Variants in ANKRD55 observed in about 807,000 individuals in gnomAD.
ANKRD55 encodes the protein ankyrin repeat domain-containing protein 55.
Under a neutral mutation model 60.6 loss-of-function variants are expected in ANKRD55, and 41 were observed. That is an observed-to-expected ratio of 0.68 (90% CI 0.53 to 0.88). The LOEUF (loss-of-function observed/expected upper bound fraction) is 0.88. ANKRD55 is among the 40% of genes least tolerant of loss of function. The pLI is 0.00. For synonymous variants in ANKRD55, 264 were observed against 290.3 expected, an observed-to-expected ratio of 0.91 and a Z score of 0.92; for missense variants, 732 against 767.6, an observed-to-expected ratio of 0.95 and a Z score of 0.55.
chr5:56,119,332 C>T (rs2111698230), intron 8 of ANKRD55, among the ~76,000 whole-genome samples: 1 of 152,282 alleles, frequency 6.6e-6, no homozygotes, highest in Admixed American at 6.5e-5. Flanking sequence ...AAATCAGTCT[C>T]AAAGGATGAC....
At chr5:56,125,166 C>T (rs1757205014) in intron 8 of ANKRD55, among the ~76,000 whole-genome samples, 1 of 152,012 alleles carries the variant, frequency 6.6e-6, no homozygotes, top group Admixed American at 6.6e-5. Context: ...GAAATTTGTT[C>T]TTTTTTTAAA....
At chr5:56,112,509 A>ACAAAAAAAAAAAAC (rs1163075862) in intron 9 of ANKRD55, among the ~76,000 whole-genome samples, 6 of 146,414 alleles carry the variant, frequency 4.1e-5, no homozygotes, top group African/African-American at 1.5e-4. Context: ...TCTAGCAAAA[A>ACAAAAAAAAAAAAC]AAAAAAAAAA....
At chr5:56,135,337 T>TTCTC (rs1341450745) in intron 7 of ANKRD55, among the ~76,000 whole-genome samples, 1 of 19,464 alleles carries the variant, frequency 5.1e-5, no homozygotes, top group Non-Finnish European at 1.0e-4. Flanking sequence ...CTTTCTTTCT[T>TTCTC]TCTTTCTTTC....
chr5:56,207,115 C>G (rs914172541), intron 2 of ANKRD55, among the ~76,000 whole-genome samples: 4 of 152,210 alleles, frequency 2.6e-5, no homozygotes, highest in African/African-American at 7.2e-5. Context: ...CCCCTTCCCC[C>G]CTTGGAAGTT....
intron 3 of ANKRD55, among the ~76,000 whole-genome samples, chr5:56,179,677 A>G (rs533935416): frequency 6.6e-6 from 1 of 152,308 alleles, no homozygotes; most frequent in South Asian, 2.1e-4. Context: ...CAAGATAAGG[A>G]GCAGAAACAG....
At chr5:56,205,234 T>C (rs1759472821) in intron 2 of ANKRD55, among the ~76,000 whole-genome samples, 1 of 152,118 alleles carries the variant, frequency 6.6e-6, no homozygotes, top group Admixed American at 6.5e-5. Flanking sequence ...CTAATTTTTG[T>C]ATTTTTAGTA....
rs539458495 is a variant in ANKRD55 at position 56,151,511 on chromosome 5, C to A, written c.484-7582G>T. On this transcript the variant is annotated intron_variant, in intron 6 of 11. Coordinates refer to ENST00000341048, the MANE Select transcript of ANKRD55 (RefSeq NM_024669.3). Reference sequence around the variant, plus strand: ...TTCTTTCTCCCTAGATATAACATATCTAGATATAATATATATCTAGGCTGG... The same window carrying A: ...TTCTTTCTCCCTAGATATAACATATATAGATATAATATATATCTAGGCTGG... Among the ~76,000 whole-genome samples, 221 of 152,136 alleles carry A rather than the reference C, an allele frequency of 1.5e-3. 1 individual carries two copies. Among genetic ancestry groups the A allele is most frequent in the African/African-American group, 5.1e-3 (210 of 41,504 alleles).
chr5:56,199,249 A>T (rs1759304687), intron 2 of ANKRD55, among the ~76,000 whole-genome samples: 1 of 152,112 alleles, frequency 6.6e-6, no homozygotes, highest in Non-Finnish European at 1.5e-5. Flanking sequence ...CAATTCCCTT[A>T]CCTCTCTAGT....
Position 56,193,146 on chromosome 5 carries a change from C to T in ANKRD55, c.59-9512G>A, listed in dbSNP as rs531533220. 2.6e-5 allele frequency: 18 copies of T among 681,158 alleles called. No individual in the cohort carries two copies. The East Asian group carries it at 6.1e-4, about 23-fold the overall frequency. The allele number at this position is 681,158 out of a possible 1,614,324, so 42.2% of individuals were successfully genotyped here. ...ATTTATTTTAGGAGAAGATTTAAGCCCTTTGTAAAACAGGGCTGTATGAGT... is the reference window on the plus strand; with the variant it reads ...ATTTATTTTAGGAGAAGATTTAAGCTCTTTGTAAAACAGGGCTGTATGAGT... On this transcript the variant is annotated intron_variant, in intron 2 of 11. Transcript: ENST00000341048.
Position 56,100,239 on chromosome 5 carries a change from T to G in ANKRD55, c.1789A>C (p.Ser597Arg), listed in dbSNP as rs1480260877. The part of the protein sequence containing the change: ...LPAIPSQRRH[S>R]TAAEESEHSA... The stretch of plus-strand genomic sequence containing the variant: ...TGTTCACTCTCTTCTGCTGCTGTGC[T>G]GTGTCTTCGTTGACTTGGAATTGCA... The change falls in exon 12 of 12, where the codon AGC becomes CGC. Residue 597 changes from serine (S) to arginine (R), a missense_variant. By Grantham distance (110) the Ser-to-Arg change is moderately radical. Coordinates refer to ENST00000341048, the MANE Select transcript of ANKRD55 (RefSeq NM_024669.3). 2.5e-6 allele frequency: 4 copies of G among 1,614,130 alleles called. No homozygotes were observed. In the East Asian group the frequency reaches 8.9e-5, roughly 36 times the overall value.
chr5:56,218,781 C>T lies in ANKRD55; in HGVS notation c.58+14075G>A, dbSNP rs549308072. On this transcript the variant is annotated intron_variant, in intron 2 of 11. Coordinates refer to ENST00000341048, the MANE Select transcript of ANKRD55 (RefSeq NM_024669.3). ...GCTAGATTAACAAAAAGCACACACA[C>T]ATGTTGAGGGAGAGAGACACACACA... Among the ~76,000 whole-genome samples the T allele has an allele frequency of 2.6e-5, 4 of 152,006 alleles. No homozygotes were observed. The East Asian group carries it at 7.7e-4, about 29-fold the overall frequency.
At chr5:56,149,746 G>T (rs1008691898) in intron 6 of ANKRD55, among the ~76,000 whole-genome samples, 1 of 151,358 alleles carries the variant, frequency 6.6e-6, no homozygotes, top group East Asian at 1.9e-4. Context: ...GTTTTTTTTT[G>T]GAAATTGCCA....
intron 2 of ANKRD55, among the ~76,000 whole-genome samples, chr5:56,211,251 C>T (rs187148937): frequency 7.7e-4 from 118 of 152,326 alleles, no homozygotes; most frequent in Non-Finnish European, 1.0e-3. Context: ...TAAGAGCACC[C>T]GCTGGTACTG....
intron 2 of ANKRD55, among the ~76,000 whole-genome samples, chr5:56,231,213 G>T (rs957131577): frequency 6.6e-6 from 1 of 152,226 alleles, no homozygotes; most frequent in East Asian, 1.9e-4. Flanking sequence ...GATAAAGATG[G>T]CAGGGAGAGG....
intron 5 of ANKRD55, among the ~76,000 whole-genome samples, chr5:56,166,086 T>TTCTTCTTTCTTTCTTTC (rs1554040773): frequency 2.3e-4 from 21 of 91,846 alleles, no homozygotes; most frequent in African/African-American, 7.2e-4. Context: ...TTTCTTTTCT[T>TTCTTCTTTCTTTCTTTC]TTTCTTTCTT....
chr5:56,186,848 A>G (rs1758986017), intron 2 of ANKRD55, among the ~76,000 whole-genome samples: 1 of 152,220 alleles, frequency 6.6e-6, no homozygotes, highest in African/African-American at 2.4e-5. Context: ...TGGAGCTGGT[A>G]TCTGGTTGTG....
intron 7 of ANKRD55, among the ~76,000 whole-genome samples, chr5:56,135,356 T>TTTC (rs70995771): frequency 0.36 from 18,991 of 53,386 alleles, 3,735 homozygotes; most frequent in African/African-American, 0.38. Flanking sequence ...TCTTTCTTTC[T>TTTC]TTCTTTCTTT....
intron 8 of ANKRD55, 152 bp from the exon 9 acceptor site, chr5:56,116,934 C>T (rs1168926042): frequency 1.2e-5 from 9 of 769,932 alleles, no homozygotes; most frequent in Non-Finnish European, 1.8e-5. Flanking sequence ...TAAATGAGCC[C>T]GAAGGATGAT....
chr5:56,221,170 T>C (rs1759955161), intron 2 of ANKRD55, among the ~76,000 whole-genome samples: 1 of 152,210 alleles, frequency 6.6e-6, no homozygotes, highest in Non-Finnish European at 1.5e-5. Context: ...CCATCTCCTA[T>C]GCTTGCCTTT....
Sources: allele counts gnomAD v4.1 joint callset (sites outside exome capture counted in the v4.1 genomes callset), GRCh38; gene constraint gnomAD v4.1.1; transcripts MANE v1.5; gene names NCBI Gene and HGNC (gene_info 2026-07-23, HGNC 2026-07-21).